AFG2A: variants seen among roughly 807,000 people sequenced by gnomAD.
AFG2A encodes AAA ATPase AFG2A.
chr4:123,133,079 C>T, the AFG2A span, among the ~76,000 whole-genome samples: 18 of 152,156 alleles, frequency 1.2e-4, no homozygotes, highest in Admixed American at 9.8e-4. Flanking sequence ...TGCGCCCAGC[C>T]GATTTCAATC....
chr4:123,087,662 C>T, the AFG2A span, among the ~76,000 whole-genome samples: 22,624 of 152,046 alleles, frequency 0.15, 2,124 homozygotes, highest in East Asian at 0.45. Flanking sequence ...ACACTGAACC[C>T]CCAGCAGTTT....
the AFG2A span, among the ~76,000 whole-genome samples, chr4:123,080,940 T>C: frequency 6.6e-6 from 1 of 152,124 alleles, no homozygotes; most frequent in Non-Finnish European, 1.5e-5. Context: ...TTTTTCTAAA[T>C]AGACTTTTTT....
chr4:123,307,216 A>T, the AFG2A span, among the ~76,000 whole-genome samples: 1 of 152,196 alleles, frequency 6.6e-6, no homozygotes, highest in Non-Finnish European at 1.5e-5. Flanking sequence ...AGTGTTGCCC[A>T]GCGTGGCCTT....
chr4:123,136,997 C>T, the AFG2A span, among the ~76,000 whole-genome samples: 20 of 152,162 alleles, frequency 1.3e-4, no homozygotes, highest in East Asian at 3.3e-3. Flanking sequence ...GGGTTGGTTT[C>T]GGGATGAAAC....
the AFG2A span, among the ~76,000 whole-genome samples, chr4:123,123,578 A>C: frequency 6.6e-6 from 1 of 152,168 alleles, no homozygotes; most frequent in Admixed American, 6.5e-5. Flanking sequence ...AAGTATCATC[A>C]CTGGCCATCA....
chr4:123,299,382 T>G, the AFG2A span, among the ~76,000 whole-genome samples: 4 of 152,170 alleles, frequency 2.6e-5, no homozygotes, highest in African/African-American at 9.7e-5. Context: ...GCTACCAAGG[T>G]GTAGCTTGTC....
the AFG2A span, among the ~76,000 whole-genome samples, chr4:123,307,352 G>A: frequency 6.6e-6 from 1 of 152,088 alleles, no homozygotes; most frequent in Non-Finnish European, 1.5e-5. Context: ...GAGCTTTGTG[G>A]TGGTCCCTGG....
At chr4:123,262,305 C>A in the AFG2A span, among the ~76,000 whole-genome samples, 1 of 152,140 alleles carries the variant, frequency 6.6e-6, no homozygotes, top group Non-Finnish European at 1.5e-5. Flanking sequence ...TAGTTTTAAT[C>A]ATATTTTCAT....
the AFG2A span, among the ~76,000 whole-genome samples, chr4:122,954,376 TA>T: frequency 1.3e-5 from 2 of 152,188 alleles, no homozygotes; most frequent in Non-Finnish European, 2.9e-5. Context: ...TGTGGTATGC[TA>T]CCATCTTTCA....
chr4:123,245,705 G>C, the AFG2A span, among the ~76,000 whole-genome samples: 1 of 151,954 alleles, frequency 6.6e-6, no homozygotes, highest in Non-Finnish European at 1.5e-5. Flanking sequence ...GTCTTTTCTT[G>C]CACAGTGCTA....
chr4:123,229,210 A>G, the AFG2A span, among the ~76,000 whole-genome samples: 1 of 151,986 alleles, frequency 6.6e-6, no homozygotes, highest in Non-Finnish European at 1.5e-5. Context: ...TTGGAGGGAA[A>G]AAGCTAACAT....
At chr4:123,132,296 A>T in the AFG2A span, among the ~76,000 whole-genome samples, 1 of 151,980 alleles carries the variant, frequency 6.6e-6, no homozygotes, top group African/African-American at 2.4e-5. Context: ...ACTTTTCCCA[A>T]CCCTTAGGTC....
At chr4:123,184,366 A>T in the AFG2A span, among the ~76,000 whole-genome samples, 63 of 152,210 alleles carry the variant, frequency 4.1e-4, no homozygotes, top group South Asian at 3.7e-3. Flanking sequence ...ATTTTGAGAA[A>T]ATAAGTCTGA....
chr4:122,938,001 A>G, the AFG2A span: 3 of 959,776 alleles, frequency 3.1e-6, no homozygotes, highest in Admixed American at 6.9e-5. Context: ...TAACATTATA[A>G]TATCTTTATA....
the AFG2A span, among the ~76,000 whole-genome samples, chr4:123,006,851 C>T: frequency 6.6e-6 from 1 of 151,256 alleles, no homozygotes; most frequent in African/African-American, 2.4e-5. Flanking sequence ...ATTGGTTTTT[C>T]TCTTTCTCCT....
At chr4:123,129,846 C>A in the AFG2A span, among the ~76,000 whole-genome samples, 1 of 151,964 alleles carries the variant, frequency 6.6e-6, no homozygotes, top group Non-Finnish European at 1.5e-5. Context: ...ACTTGCAGTT[C>A]AACATGTTTT....
At chr4:122,988,760 C>A in the AFG2A span, among the ~76,000 whole-genome samples, 1 of 152,148 alleles carries the variant, frequency 6.6e-6, no homozygotes, top group Non-Finnish European at 1.5e-5. Flanking sequence ...GTAATGTGTA[C>A]ACTGGTTCGC....
chr4:123,213,813 T>C, the AFG2A span, among the ~76,000 whole-genome samples: 1 of 152,172 alleles, frequency 6.6e-6, no homozygotes, highest in Non-Finnish European at 1.5e-5. Context: ...AAATGAGACT[T>C]CCTTGCCAGC....
chr4:123,172,033 A>AT, the AFG2A span, among the ~76,000 whole-genome samples: 4 of 152,044 alleles, frequency 2.6e-5, no homozygotes, highest in Non-Finnish European at 5.9e-5. Context: ...ACTTTTCTAT[A>AT]TTTTTTTCCT....
Sources: allele counts gnomAD v4.1 joint callset (sites outside exome capture counted in the v4.1 genomes callset), GRCh38; gene constraint gnomAD v4.1.1; transcripts MANE v1.5; gene names NCBI Gene and HGNC (gene_info 2026-07-23, HGNC 2026-07-21).